BMPR1B: variants seen among roughly 807,000 people sequenced by gnomAD.
BMPR1B encodes the protein bone morphogenetic protein receptor type 1B, also known as bone morphogenetic protein receptor type-1B.
A neutral mutation model predicts 59.1 loss-of-function variants in BMPR1B; 12 were observed. The ratio of observed to expected loss-of-function variants is 0.20; its 90% CI spans 0.13 to 0.33. BMPR1B has a LOEUF of 0.33. BMPR1B is among the 10% of genes least tolerant of loss of function. The pLI, the probability that BMPR1B is intolerant of heterozygous loss-of-function variation, is 1.00. For synonymous variants in BMPR1B, 237 were observed against 207.3 expected (o/e 1.14, Z -1.23); for missense variants, 550 against 610.9 (o/e 0.90, Z 1.05).
At chr4:94,905,872 G>GTATTTTAACA (rs949602030) in intron 2 of BMPR1B, among the ~76,000 whole-genome samples, 6 of 148,588 alleles carry the variant, frequency 4.0e-5, no homozygotes, top group African/African-American at 1.5e-4. Context: ...GAACAGTGAT[G>GTATTTTAACA]TATTTTAACA....
At chr4:94,951,181 A>G (rs1405410237) in intron 2 of BMPR1B, among the ~76,000 whole-genome samples, 2 of 152,182 alleles carry the variant, frequency 1.3e-5, no homozygotes, top group African/African-American at 4.8e-5. Context: ...GGCTCAGATG[A>G]TGGGGTTTTC....
Position 95,153,081 on chromosome 4 carries a change from G to T in BMPR1B, c.1383+308G>T, listed in dbSNP as rs370817597. Among the ~76,000 whole-genome samples, 3 of 152,074 alleles carry T rather than the reference G, an allele frequency of 2.0e-5. No individual in the cohort carries two copies. In the South Asian group the frequency reaches 6.2e-4, roughly 32 times the overall value. The stretch of plus-strand genomic sequence containing the variant: ...TTTGCATAAAACCTATTATTTCTCT[G>T]TGTGTGTTTTTAAAGCATCATAATT... On this transcript the variant is annotated intron_variant, in intron 12 of 12. Coordinates refer to ENST00000515059, the MANE Select transcript of BMPR1B (RefSeq NM_001203.3).
At chr4:95,061,997 G>A (rs183136746) in intron 3 of BMPR1B, among the ~76,000 whole-genome samples, 7 of 152,118 alleles carry the variant, frequency 4.6e-5, no homozygotes, top group Non-Finnish European at 8.8e-5. Context: ...CTCTCCTGCC[G>A]TCACGTGAAG....
chr4:94,865,636 C>A (rs1385694920), intron 1 of BMPR1B, among the ~76,000 whole-genome samples: 4 of 152,184 alleles, frequency 2.6e-5, no homozygotes, highest in African/African-American at 9.7e-5. Flanking sequence ...CGTGATCCAC[C>A]TGCCTCAGCC....
At chr4:95,030,796 A>G (rs1032216177) in intron 3 of BMPR1B, among the ~76,000 whole-genome samples, 1 of 152,208 alleles carries the variant, frequency 6.6e-6, no homozygotes, top group African/African-American at 2.4e-5. Flanking sequence ...TAAAATACTT[A>G]AGAATCCAAC....
chr4:95,123,667 T>C (rs1732692025), intron 6 of BMPR1B, 143 bp from the exon 7 acceptor site: 2 of 671,562 alleles, frequency 3.0e-6, no homozygotes, highest in Non-Finnish European at 5.1e-6. Flanking sequence ...ATATATGGGT[T>C]TTTAAAAAAT....
At chr4:95,141,845 T>G (rs1396919742) in intron 10 of BMPR1B, among the ~76,000 whole-genome samples, 5 of 152,232 alleles carry the variant, frequency 3.3e-5, no homozygotes, top group African/African-American at 9.6e-5. Context: ...GTCACACTGA[T>G]GTCCAGTGGA....
intron 10 of BMPR1B, among the ~76,000 whole-genome samples, chr4:95,141,040 C>CATCATCATCAGAAGA (rs1272061940): frequency 6.6e-6 from 1 of 152,158 alleles, no homozygotes; most frequent in Non-Finnish European, 1.5e-5. Context: ...GATGATGGCT[C>CATCATCATCAGAAGA]AGATGTTGGC....
chr4:94,943,410 C>G (rs1560559504), intron 2 of BMPR1B, among the ~76,000 whole-genome samples: 1 of 152,176 alleles, frequency 6.6e-6, no homozygotes, highest in South Asian at 2.1e-4. Context: ...AGGCGTGAGC[C>G]ACCGTGTCTG....
chr4:94,952,754 G>T (rs1208409136), intron 2 of BMPR1B, among the ~76,000 whole-genome samples: 1 of 151,974 alleles, frequency 6.6e-6, no homozygotes, highest in Non-Finnish European at 1.5e-5. Flanking sequence ...GGGGTGGAGA[G>T]TCTGTAGATG....
intron 2 of BMPR1B, among the ~76,000 whole-genome samples, chr4:94,970,624 G>GT (rs1730755606): frequency 6.6e-6 from 1 of 151,854 alleles, no homozygotes; most frequent in Admixed American, 6.6e-5. Context: ...GTTCATTTCT[G>GT]TTTTAAAGTT....
intron 1 of BMPR1B, among the ~76,000 whole-genome samples, chr4:94,772,687 A>AT (rs1207722469): frequency 6.6e-6 from 1 of 152,082 alleles, no homozygotes; most frequent in African/African-American, 2.4e-5. Flanking sequence ...CCAAAATATA[A>AT]TTTTTCCATT....
intron 3 of BMPR1B, chr4:95,051,646 G>T (rs563282495): frequency 1.1e-5 from 17 of 1,508,614 alleles, no homozygotes; most frequent in Non-Finnish European, 1.5e-5. Flanking sequence ...AGACGGAAAG[G>T]CAAGAAACAG....
chr4:94,989,108 C>T (rs1394595348), intron 2 of BMPR1B, among the ~76,000 whole-genome samples: 5 of 151,950 alleles, frequency 3.3e-5, no homozygotes, highest in African/African-American at 9.7e-5. Flanking sequence ...AAATCATTCA[C>T]GGCCGGGTGC....
chr4:95,034,988 T>C (rs981114010), intron 3 of BMPR1B, among the ~76,000 whole-genome samples: 23 of 152,130 alleles, frequency 1.5e-4, no homozygotes, highest in Non-Finnish European at 1.0e-4. Context: ...AGGAGTAAGG[T>C]TGTATCTCAT....
At chr4:95,127,696 A>C (rs1355811871) in intron 8 of BMPR1B, among the ~76,000 whole-genome samples, 2 of 152,118 alleles carry the variant, frequency 1.3e-5, no homozygotes, top group African/African-American at 4.8e-5. Context: ...ATGATGTCTC[A>C]TGGCGCACAG....
intron 2 of BMPR1B, among the ~76,000 whole-genome samples, chr4:94,932,868 C>T (rs1205077649): frequency 1.3e-5 from 2 of 152,116 alleles, no homozygotes; most frequent in African/African-American, 4.8e-5. Flanking sequence ...GAGAATATCA[C>T]TCAGAAAGTT....
chr4:94,772,675 T>G (rs561325328), intron 1 of BMPR1B, among the ~76,000 whole-genome samples: 27 of 152,306 alleles, frequency 1.8e-4, no homozygotes, highest in Admixed American at 5.9e-4. Context: ...ACTCCTTAGA[T>G]TCCAAAATAT....
intron 1 of BMPR1B, among the ~76,000 whole-genome samples, chr4:94,831,370 T>C (rs1294175883): frequency 2.0e-5 from 3 of 152,144 alleles, no homozygotes. Flanking sequence ...TACAAAATTA[T>C]GAAGTAAAAA....
Sources: gnomAD v4.1 joint callset for allele counts (sites outside exome capture counted in the v4.1 genomes callset) on GRCh38, gnomAD v4.1.1 for gene constraint, MANE v1.5 for transcripts, NCBI Gene and HGNC (gene_info 2026-07-23, HGNC 2026-07-21) for gene names.